Variants in TRAPPC13 observed in about 807,000 individuals in gnomAD.
The protein encoded by TRAPPC13 is trafficking protein particle complex subunit 13, also known as REV7-interacting novel NHEJ regulator 1.
Under a neutral mutation model 54.0 loss-of-function variants are expected in TRAPPC13, and 39 were observed. The observed-to-expected ratio is 0.72, with a 90% CI of 0.56 to 0.94. The LOEUF is 0.94. Among genes scored for constraint, TRAPPC13 ranks in the 40% least tolerant of loss-of-function variants. TRAPPC13 has a pLI of 0.00. For synonymous variants in TRAPPC13, 148 were observed against 167.7 expected (o/e 0.88, Z 0.91); for missense variants, 386 against 488.1 (o/e 0.79, Z 1.97).
Position 65,658,468 on chromosome 5 carries a change from C to A in TRAPPC13, c.665C>A (p.Thr222Lys), listed in dbSNP as rs1369200783. 2.5e-6 allele frequency: 4 copies of A among 1,580,734 alleles called. No homozygotes were observed. Among genetic ancestry groups the A allele is most frequent in the Non-Finnish European group, 3.4e-6 (4 of 1,161,480 alleles). ...SLEPSIMYNV[T>K]ELNSVSQAGE... ...GAGCCATCTATTATGTACAATGTAA[C>A]AGAATTAAATTCAGTCAGCCAAGCT... is the stretch of plus-strand genomic sequence containing the variant. Residue 222 changes from threonine (T) to lysine (K), a missense_variant, in exon 9 of 13, where the codon ACA becomes AAA. Transcript: ENST00000399438.
intron 2 of TRAPPC13, 81 bp downstream of exon 2, chr5:65,635,450 G>A (rs983997506): frequency 1.8e-6 from 2 of 1,134,972 alleles, no homozygotes; most frequent in Non-Finnish European, 2.6e-6. Flanking sequence ...ACTAAGCCTA[G>A]CCCTGTAAAT....
chr5:65,660,145 C>T (rs1028346261), intron 9 of TRAPPC13, among the ~76,000 whole-genome samples: 2 of 151,904 alleles, frequency 1.3e-5, no homozygotes, highest in Non-Finnish European at 2.9e-5. Context: ...CCATTCTTTT[C>T]TAGATGTTTT....
At chr5:65,651,125 G>GA (rs1242800888) in intron 6 of TRAPPC13, among the ~76,000 whole-genome samples, 2 of 152,062 alleles carry the variant, frequency 1.3e-5, no homozygotes, top group Admixed American at 6.6e-5. Context: ...CAAAATAAAA[G>GA]AAAAAAATAG....
intron 1 of TRAPPC13, 130 bp downstream of exon 1, chr5:65,625,236 C>G: frequency 2.5e-6 from 2 of 802,968 alleles, no homozygotes; most frequent in Non-Finnish European, 4.2e-6. Flanking sequence ...CCTTTGCCGC[C>G]AAGCGGGAGG....
intron 11 of TRAPPC13, chr5:65,663,621 C>G (rs1756916522): frequency 6.6e-6 from 1 of 152,058 alleles, no homozygotes; most frequent in Non-Finnish European, 1.5e-5. Context: ...CATTATGAGC[C>G]TTTTGGTTAT....
chr5:65,635,426 C>T, intron 2 of TRAPPC13, 57 bp downstream of exon 2: 1 of 1,386,558 alleles, frequency 7.2e-7, no homozygotes, highest in Non-Finnish European at 1.0e-6. Flanking sequence ...CCTGAATTGC[C>T]TGCATTACCT....
intron 9 of TRAPPC13, among the ~76,000 whole-genome samples, chr5:65,658,832 G>A (rs1756747196): frequency 6.6e-6 from 1 of 151,942 alleles, no homozygotes; most frequent in African/African-American, 2.4e-5. Flanking sequence ...CAATTTTGGT[G>A]CATCAGCCTC....
At chr5:65,637,801 G>A in intron 4 of TRAPPC13, 21 bp downstream of exon 4, 1 of 1,429,014 alleles carries the variant, frequency 7.0e-7, no homozygotes, top group African/African-American at 1.4e-5. Flanking sequence ...TTCTTACTTG[G>A]GATGTATTTT....
chr5:65,625,113 T>G lies in TRAPPC13; in HGVS notation c.46+7T>G. 1.2e-6 allele frequency: 2 copies of G among 1,612,512 alleles called. No individual in the cohort carries two copies. Among genetic ancestry groups the G allele is most frequent in the East Asian group, 2.2e-5 (1 of 44,870 alleles). ...CACCTGCTGGCGCTAAAAGGTAAAC[T>G]TTTGCGAACCTGATTCCCCCTTTTC... On this transcript the variant is annotated splice_region_variant and intron_variant, in intron 1 of 12. Transcript: ENST00000399438.
At chr5:65,637,492 G>A (rs533249734) in intron 3 of TRAPPC13, among the ~76,000 whole-genome samples, 23 of 152,062 alleles carry the variant, frequency 1.5e-4, no homozygotes, top group African/African-American at 5.5e-4. Context: ...TTAGCTAGGC[G>A]TGGTGGTGGG....
chr5:65,638,130 A>AG (rs1755828616), intron 4 of TRAPPC13, among the ~76,000 whole-genome samples: 1 of 151,714 alleles, frequency 6.6e-6, no homozygotes, highest in Non-Finnish European at 1.5e-5. Flanking sequence ...CTCAAAAAAA[A>AG]AAAAAAGAAA....
intron 4 of TRAPPC13, among the ~76,000 whole-genome samples, chr5:65,638,156 A>G (rs1193752522): frequency 6.6e-6 from 1 of 151,606 alleles, no homozygotes; most frequent in East Asian, 1.9e-4. Flanking sequence ...GTTTTTTTAT[A>G]TCTATTATGT....
rs765285524 is a variant in TRAPPC13 at position 65,664,380 on chromosome 5, T to G, written c.1142T>G (p.Leu381Arg). The change falls in exon 12 of 13, where the codon CTG (leucine) becomes CGG (arginine). Residue 381 changes from leucine to arginine, a missense_variant. Leu to Arg is a moderately radical substitution (Grantham distance 102). Coordinates refer to ENST00000399438, the MANE Select transcript of TRAPPC13 (RefSeq NM_024941.4). The part of the protein sequence containing the change: ...ALTLLSSVQG[L>R]QSISGLRLTD... ...ACTCTGCTTTCTTCAGTACAGGGAC[T>G]GCAAGTATGCTGTCTTTTCAAAAAT... The G allele has an allele frequency of 3.7e-6, 6 of 1,608,952 alleles. No individual in the cohort carries two copies. The highest frequency in any genetic ancestry group is 5.1e-6 in the Non-Finnish European group (6 of 1,178,078).
intron 10 of TRAPPC13, chr5:65,661,340 T>C (rs1368639842): frequency 6.5e-6 from 1 of 152,886 alleles, no homozygotes; most frequent in Non-Finnish European, 1.5e-5. Context: ...AAAGTTATCT[T>C]ATAAGCATTG....
chr5:65,642,183 C>T (rs1315289282), intron 4 of TRAPPC13, among the ~76,000 whole-genome samples: 1 of 151,992 alleles, frequency 6.6e-6, no homozygotes, highest in African/African-American at 2.4e-5. Flanking sequence ...ATTAGCTGGG[C>T]GTGCTGGCGA....
chr5:65,629,241 G>A (rs1355117284), intron 1 of TRAPPC13, among the ~76,000 whole-genome samples: 2 of 152,040 alleles, frequency 1.3e-5, no homozygotes, highest in African/African-American at 2.4e-5. Context: ...TTGACTACTA[G>A]CGTTTTTAGG....
intron 5 of TRAPPC13, 122 bp downstream of exon 5, chr5:65,647,304 C>T: frequency 1.3e-6 from 1 of 790,422 alleles, no homozygotes; most frequent in Non-Finnish European, 1.9e-6. Context: ...ATTTTATGTT[C>T]TATGTTGGCA....
Position 65,658,488 on chromosome 5 carries a change from C to A in TRAPPC13, c.685C>A (p.Gln229Lys). The change falls in exon 9 of 13, where the codon CAA becomes AAA. Residue 229 changes from glutamine to lysine, a missense_variant. Transcript: ENST00000399438. ...YNVTELNSVS[Q>K]AGECVSTFGS... ...TGTAACAGAATTAAATTCAGTCAGC[C>A]AAGCTGGAGAATGGTAAATATTAAT... 6.4e-7 allele frequency: 1 copy of A among 1,567,334 alleles called. No homozygotes were observed. The highest frequency in any genetic ancestry group is 8.7e-7 in the Non-Finnish European group (1 of 1,154,634).
chr5:65,635,461 T>A, intron 2 of TRAPPC13, 92 bp downstream of exon 2: 1 of 1,010,196 alleles, frequency 9.9e-7, no homozygotes, highest in Non-Finnish European at 1.5e-6. Context: ...CCCTGTAAAT[T>A]TTATGCTAAC....
Sources: gnomAD v4.1 joint callset for allele counts (sites outside exome capture counted in the v4.1 genomes callset) on GRCh38, gnomAD v4.1.1 for gene constraint, MANE v1.5 for transcripts, NCBI Gene and HGNC (gene_info 2026-07-23, HGNC 2026-07-21) for gene names.